Variants in CAMK4 observed in about 807,000 individuals in gnomAD.
The protein encoded by CAMK4 is calcium/calmodulin-dependent protein kinase type IV.
A neutral mutation model predicts 44.9 loss-of-function variants in CAMK4; 22 were observed. The observed-to-expected ratio is 0.49, with a 90% CI of 0.35 to 0.70. The LOEUF is 0.70. CAMK4 is among the 30% of genes least tolerant of loss of function. The pLI is 0.01. For synonymous variants in CAMK4, 218 were observed against 215.4 expected (o/e 1.01, Z -0.11); for missense variants, 498 against 586.8 (o/e 0.85, Z 1.56).
chr5:111,467,805 A>G (rs1242814787), intron 7 of CAMK4, among the ~76,000 whole-genome samples: 1 of 152,208 alleles, frequency 6.6e-6, no homozygotes, highest in Non-Finnish European at 1.5e-5. Context: ...GATTCCTTAA[A>G]TAACTAAAAG....
At chr5:111,367,645 G>A (rs970123877) in intron 2 of CAMK4, among the ~76,000 whole-genome samples, 2 of 152,086 alleles carry the variant, frequency 1.3e-5, no homozygotes, top group Non-Finnish European at 2.9e-5. Flanking sequence ...CTACTTTTGG[G>A]TTTAAATGAG....
chr5:111,336,938 T>C (rs1175906430), intron 1 of CAMK4, among the ~76,000 whole-genome samples: 1 of 151,218 alleles, frequency 6.6e-6, no homozygotes, highest in Non-Finnish European at 1.5e-5. Context: ...TATAGTTCTT[T>C]TGGAAATTTT....
intron 5 of CAMK4, among the ~76,000 whole-genome samples, chr5:111,402,920 G>T (rs1354267540): frequency 6.6e-6 from 1 of 152,184 alleles, no homozygotes; most frequent in Non-Finnish European, 1.5e-5. Flanking sequence ...ATATCTCAGG[G>T]AGGATAAATA....
intron 7 of CAMK4, among the ~76,000 whole-genome samples, chr5:111,459,361 A>G (rs1195325447): frequency 1.3e-5 from 2 of 152,208 alleles, no homozygotes; most frequent in Non-Finnish European, 2.9e-5. Context: ...AGTAAGGGCT[A>G]TCTCCTTGGT....
At chr5:111,360,193 G>T (rs1750533311) in intron 2 of CAMK4, among the ~76,000 whole-genome samples, 1 of 152,024 alleles carries the variant, frequency 6.6e-6, no homozygotes, top group Non-Finnish European at 1.5e-5. Flanking sequence ...TCCTGTTTAA[G>T]AGTCTCTTTT....
chr5:111,252,949 T>G (rs1749576511), intron 1 of CAMK4, among the ~76,000 whole-genome samples: 1 of 152,236 alleles, frequency 6.6e-6, no homozygotes, highest in Non-Finnish European at 1.5e-5. Flanking sequence ...TGATGACAGC[T>G]GTGCATGGAC....
intron 5 of CAMK4, among the ~76,000 whole-genome samples, chr5:111,433,459 A>G (rs895181742): frequency 1.3e-5 from 2 of 152,200 alleles, no homozygotes; most frequent in Non-Finnish European, 2.9e-5. Context: ...CCAGAAATGA[A>G]TATCTAGCAA....
intron 1 of CAMK4, among the ~76,000 whole-genome samples, chr5:111,250,549 G>A (rs183504150): frequency 6.6e-6 from 1 of 152,188 alleles, no homozygotes; most frequent in Non-Finnish European, 1.5e-5. Flanking sequence ...ACATACTAAA[G>A]GTACAACTCC....
intron 8 of CAMK4, 69 bp from the exon 9 acceptor site, chr5:111,478,312 C>G: frequency 9.7e-7 from 1 of 1,035,646 alleles, no homozygotes; most frequent in South Asian, 1.8e-5. Context: ...TCCTGAATTC[C>G]TACAGAAATT....
chr5:111,411,531 C>T (rs1391907962), intron 5 of CAMK4, among the ~76,000 whole-genome samples: 2 of 152,182 alleles, frequency 1.3e-5, no homozygotes, highest in African/African-American at 2.4e-5. Context: ...GATGACTCTT[C>T]CACTGTGCAT....
intron 1 of CAMK4, among the ~76,000 whole-genome samples, chr5:111,296,199 T>A (rs1196068696): frequency 6.6e-6 from 1 of 152,216 alleles, no homozygotes; most frequent in African/African-American, 2.4e-5. Flanking sequence ...ATTGGCTGTG[T>A]TGGAGAAAGA....
chr5:111,366,341 C>T (rs1180946834), intron 2 of CAMK4, among the ~76,000 whole-genome samples: 2 of 152,048 alleles, frequency 1.3e-5, no homozygotes, highest in Non-Finnish European at 2.9e-5. Context: ...ATGATTAAAA[C>T]AAAAAGAGCA....
intron 2 of CAMK4, among the ~76,000 whole-genome samples, chr5:111,362,929 ATC>A (rs1267428803): frequency 6.6e-6 from 1 of 152,022 alleles, no homozygotes; most frequent in East Asian, 1.9e-4. Flanking sequence ...TCATTTTCTA[ATC>A]TCTATCATTT....
Position 111,472,456 on chromosome 5 carries a change from G to A in CAMK4, c.626-855G>A, listed in dbSNP as rs114769779. On this transcript the variant is annotated intron_variant, in intron 7 of 10. Coordinates refer to ENST00000282356, the MANE Select transcript of CAMK4 (RefSeq NM_001744.6). ...GAGCTCTATTTCTCCATAGATGGTG[G>A]GGCTCTTACTTTCCCTTTTCTTCTG... Among the ~76,000 whole-genome samples, 888 of 152,242 alleles carry A rather than the reference G, an allele frequency of 5.8e-3. 13 individuals carry two copies. Among genetic ancestry groups the A allele is most frequent in the African/African-American group, 0.021 (856 of 41,550 alleles).
At chr5:111,379,933 G>T (rs1172220899) in intron 4 of CAMK4, among the ~76,000 whole-genome samples, 1 of 151,950 alleles carries the variant, frequency 6.6e-6, no homozygotes, top group Admixed American at 6.6e-5. Context: ...TAGAAATTTT[G>T]GAATAAAATC....
chr5:111,266,604 T>C (rs1299028103), intron 1 of CAMK4, among the ~76,000 whole-genome samples: 1 of 152,208 alleles, frequency 6.6e-6, no homozygotes, highest in Non-Finnish European at 1.5e-5. Context: ...CTCTGTAAAC[T>C]CTTTCACTCC....
chr5:111,467,407 A>G (rs1243473471), intron 7 of CAMK4, among the ~76,000 whole-genome samples: 3 of 150,874 alleles, frequency 2.0e-5, no homozygotes, highest in African/African-American at 7.3e-5. Context: ...AGCAGAGTAA[A>G]CAGACAACCC....
intron 5 of CAMK4, among the ~76,000 whole-genome samples, chr5:111,435,011 A>G (rs2112948039): frequency 6.6e-6 from 1 of 152,360 alleles, no homozygotes; most frequent in East Asian, 1.9e-4. Context: ...ACTATGCAGT[A>G]GCTTTCATTA....
intron 2 of CAMK4, chr5:111,365,140 G>A (rs868725106): frequency 6.6e-6 from 1 of 152,432 alleles, no homozygotes; most frequent in Non-Finnish European, 1.5e-5. Flanking sequence ...CCTGGAAGAT[G>A]AGCAGTGAGC....
Sources: allele counts gnomAD v4.1 joint callset (sites outside exome capture counted in the v4.1 genomes callset), GRCh38; gene constraint gnomAD v4.1.1; transcripts MANE v1.5; gene names NCBI Gene and HGNC (gene_info 2026-07-23, HGNC 2026-07-21).